The following TULP1 variants were observed in gnomAD, a reference collection of about 807,000 sequenced individuals.
The protein encoded by TULP1 is TUB like protein 1, also known as tubby-related protein 1.
TULP1 carries 50 observed loss-of-function variants against 67.1 expected under a neutral mutation model. The ratio of observed to expected loss-of-function variants is 0.75; its 90% CI spans 0.59 to 0.94. TULP1 has a LOEUF of 0.94. Among genes scored for constraint, TULP1 ranks in the 40% least tolerant of loss-of-function variants. TULP1 has a pLI of 0.00. For synonymous variants in TULP1, 297 were observed against 294.0 expected (o/e 1.01, Z -0.11); for missense variants, 746 against 734.1 (o/e 1.02, Z -0.19).
chr6:35,505,815 C>T lies in TULP1; in HGVS notation c.1038G>A (p.Lys346=), dbSNP rs1761068733. The T allele has an allele frequency of 2.5e-6, 4 of 1,614,176 alleles. No individual in the cohort carries two copies. In the African/African-American group the frequency reaches 4.0e-5, roughly 16 times the overall value. ...CGATGGAGATGAGGTAATTGGCTGT[C>T]TTGCTCCGTTTTCGTTTCCTGCCAG... is the stretch of plus-strand genomic sequence containing the variant. ...LLAGRKRKRS[K]TANYLISIDP... Residue 346 remains lysine, a synonymous_variant, in exon 11 of 15, where the codon AAG becomes AAA. Coordinates refer to ENST00000229771, the MANE Select transcript of TULP1 (RefSeq NM_003322.6).
At position 35,503,448 on chromosome 6, in the gene TULP1, T is replaced by G; in HGVS notation, c.1323+111A>C. 1.8e-6 allele frequency: 2 copies of G among 1,117,426 alleles called. No individual in the cohort carries two copies. The highest frequency in any genetic ancestry group is 2.6e-6 in the Non-Finnish European group (2 of 765,608). 69.2% of individuals were successfully genotyped at this position (1,117,426 alleles called of 1,614,324 possible). A position where few individuals can be genotyped will look rare whatever the true frequency, so the allele number is the denominator to read the frequency against. ...CCATTCCCTAGGTGGCCAGAATGAA[T>G]TTGTGTTGGAGGGTGATGGATGTGC... On this transcript the variant is annotated intron_variant, in intron 13 of 14. Transcript: ENST00000229771. This position sits in a 1 kb window ranked among gnomAD's most constrained non-coding sequence, Gnocchi z 4.0.
chr6:35,504,716 C>T lies in TULP1; in HGVS notation c.1113-868G>A, dbSNP rs144800883. Among the ~76,000 whole-genome samples the T allele has an allele frequency of 2.0e-3, 297 of 151,412 alleles. 1 individual carries two copies. In the Middle Eastern group the frequency reaches 0.02, roughly 10 times the overall value. On this transcript the variant is annotated intron_variant, in intron 11 of 14. Coordinates refer to ENST00000229771, the MANE Select transcript of TULP1 (RefSeq NM_003322.6). ...GCTGGGACTACAGGGCCTGCCAGCA[C>T]GCTGGGCTAATTTTTTTTTTTTTGT...
Position 35,503,852 on chromosome 6 carries a change from C to T in TULP1, c.1113-4G>A, listed in dbSNP as rs374822876. The T allele has an allele frequency of 1.1e-5, 17 of 1,603,668 alleles. No homozygotes were observed. The highest frequency in any genetic ancestry group is 1.4e-5 in the Non-Finnish European group (16 of 1,177,856). On this transcript the variant is annotated splice_region_variant and splice_polypyrimidine_tract_variant and intron_variant, in intron 11 of 14. Transcript: ENST00000229771. This position sits in a 1 kb window ranked among gnomAD's most constrained non-coding sequence, Gnocchi z 4.0. The stretch of plus-strand genomic sequence containing the variant: ...GCGGTTCCCCAGGAGGTTGGACCTG[C>T]AAGCAGGGTAGAGCTTGGGGTGGGG...
In TULP1 at chr6:35,511,820, C is replaced by CG. The variant is rs1332766408; in HGVS notation, c.191-15dup. On this transcript the variant is annotated splice_polypyrimidine_tract_variant and intron_variant, in intron 3 of 14. Transcript: ENST00000229771. ...CCGTCCGCCCAGCTGAGCCGAGATG[C>CG]GGGGTTCAGACAGGGTCCCATCCGC... The CG allele has an allele frequency of 2.0e-6, 3 of 1,537,240 alleles. No individual in the cohort carries two copies. Among genetic ancestry groups the CG allele is most frequent in the Non-Finnish European group, 2.6e-6 (3 of 1,140,938 alleles).
rs957006581 is a variant in TULP1, at chr6:35,512,175, C to T, written c.190+5G>A. ...GGGTCCACCCGGGCTCTGCACCCCG[C>T]CCACCTCCGGGCTTCCGGGGCTTGG... is the stretch of plus-strand genomic sequence containing the variant. On this transcript the variant is annotated splice_donor_5th_base_variant and intron_variant, in intron 3 of 14. Transcript: ENST00000229771. 5 of 1,349,120 alleles carry T rather than the reference C, an allele frequency of 3.7e-6. No individual in the cohort carries two copies. The African/African-American group carries it at 7.5e-5, about 20-fold the overall frequency. The allele number at this position is 1,349,120 out of a possible 1,614,324, so 83.6% of individuals were successfully genotyped here. A position where few individuals can be genotyped will look rare whatever the true frequency, so the allele number is the denominator to read the frequency against.
chr6:35,509,281 T>C lies in TULP1; in HGVS notation c.750A>G (p.Glu250=). ...GTPKGARKEE[E]EEEEAATVIK... ...TCACCGTAGCTGCCTCCTCCTCCTC[T>C]TCTTCCTCCTTCCTCGCGCCTTTGG... The change falls in exon 8 of 15, where the codon GAA becomes GAG. Residue 250 remains glutamate (E), a synonymous_variant. Coordinates refer to ENST00000229771, the MANE Select transcript of TULP1 (RefSeq NM_003322.6). The C allele has an allele frequency of 6.2e-7, 1 of 1,613,930 alleles. No homozygotes were observed. The highest frequency in any genetic ancestry group is 8.5e-7 in the Non-Finnish European group (1 of 1,179,866).
chr6:35,502,095 T>G (rs1760978466), intron 13 of TULP1, among the ~76,000 whole-genome samples: 1 of 152,210 alleles, frequency 6.6e-6, no homozygotes, highest in Non-Finnish European at 1.5e-5. Flanking sequence ...AGGTCTGCTT[T>G]GACAACCATA....
chr6:35,499,331 A>AT (rs1561811947), intron 14 of TULP1, among the ~76,000 whole-genome samples: 1 of 152,244 alleles, frequency 6.6e-6, no homozygotes, highest in Non-Finnish European at 1.5e-5. Flanking sequence ...TGAAGAGATT[A>AT]AGAGCATGGC....
intron 10 of TULP1, 45 bp from the exon 11 acceptor site, chr6:35,505,898 G>C (rs769892419): frequency 1.6e-5 from 26 of 1,614,072 alleles, no homozygotes; most frequent in Non-Finnish European, 2.2e-5. Flanking sequence ...AGAGAAGGTG[G>C]GAAGGGGTGG....
Position 35,511,746 on chromosome 6 carries a change from G to C in TULP1, c.251C>G (p.Pro84Arg), listed in dbSNP as rs1378475902. The C allele has an allele frequency of 6.3e-7, 1 of 1,585,348 alleles. No individual in the cohort carries two copies. Among genetic ancestry groups the C allele is most frequent in the South Asian group, 1.2e-5 (1 of 86,842 alleles). ...GAGGAACCTGGCGTAGACCGTCTGC[G>C]GCGCCCGGGCCTGGGCTGGGTCTGG... Reference protein sequence around the residue: ...PSPDPAQARAPQTVYARFLRD... With the variant: ...PSPDPAQARARQTVYARFLRD... Residue 84 changes from proline to arginine, a missense_variant, in exon 4 of 15, where the codon CCG becomes CGG. By Grantham distance (103) the Pro-to-Arg change is moderately radical. Transcript: ENST00000229771.
intron 8 of TULP1, among the ~76,000 whole-genome samples, chr6:35,508,235 A>G (rs1472102300): frequency 6.6e-6 from 1 of 152,238 alleles, no homozygotes; most frequent in African/African-American, 2.4e-5. Context: ...AGGTTGTTCC[A>G]GAAGAAACCT....
In TULP1 at chr6:35,511,755, G is replaced by C; in HGVS notation, c.242C>G (p.Ala81Gly). ...REEPSPDPAQ[A>G]RAPQTVYARF... ...GGCGTAGACCGTCTGCGGCGCCCGG[G>C]CCTGGGCTGGGTCTGGGGAAGGCTC... is the stretch of plus-strand genomic sequence containing the variant. The change falls in exon 4 of 15, where the codon GCC becomes GGC. Residue 81 changes from alanine to glycine, a missense_variant. Ala to Gly is a moderately conservative substitution (Grantham distance 60). Around this residue, in one of 3 missense-constraint regions of TULP1, gnomAD observed 359 missense variants for 341.9 expected, o/e 1.05. Transcript: ENST00000229771. The C allele has an allele frequency of 6.3e-7, 1 of 1,583,008 alleles. No homozygotes were observed. The highest frequency in any genetic ancestry group is 8.6e-7 in the Non-Finnish European group (1 of 1,165,202).
chr6:35,511,651 C>T lies in TULP1; in HGVS notation c.346G>A (p.Asp116Asn). 6.3e-7 allele frequency: 1 copy of T among 1,593,992 alleles called. No individual in the cohort carries two copies. Among genetic ancestry groups the T allele is most frequent in the East Asian group, 2.3e-5 (1 of 43,982 alleles). The change falls in exon 4 of 15, where the codon GAC becomes AAC. Residue 116 changes from aspartate (D) to asparagine (N), a missense_variant. By Grantham distance (23) the Asp-to-Asn change is conservative. Coordinates refer to ENST00000229771, the MANE Select transcript of TULP1 (RefSeq NM_003322.6). Reference protein sequence around the residue: ...FLVARAPDAEDEEEEEEEDEE... With the variant: ...FLVARAPDAENEEEEEEEDEE... ...CGTCCCTGGGGCCCTCTCTCACCGT[C>T]CTCCGCGTCTGGGGCACGGGCTACC...
chr6:35,509,360 G>A lies in TULP1; in HGVS notation c.719-48C>T, dbSNP rs1369300773. ...GGCTGTGAACTCCTCACCCTGGTTT[G>A]CAAAGTGCTTCCAACACCCATGTCT... On this transcript the variant is annotated intron_variant, in intron 7 of 14. Coordinates refer to ENST00000229771, the MANE Select transcript of TULP1 (RefSeq NM_003322.6). 3.8e-6 allele frequency: 6 copies of A among 1,573,948 alleles called. No individual in the cohort carries two copies. The East Asian group carries it at 1.1e-4, about 29-fold the overall frequency.
At chr6:35,499,507 G>A (rs1476538238) in intron 14 of TULP1, among the ~76,000 whole-genome samples, 1 of 152,204 alleles carries the variant, frequency 6.6e-6, no homozygotes, top group African/African-American at 2.4e-5. Flanking sequence ...AAAATCCTGA[G>A]AACAGTGCCT....
chr6:35,509,168 C>G, intron 8 of TULP1, 41 bp downstream of exon 8: 1 of 1,580,102 alleles, frequency 6.3e-7, no homozygotes, highest in South Asian at 1.1e-5. Flanking sequence ...TGCCTCTGCT[C>G]CCTGAAGGGA....
In TULP1 at chr6:35,500,018, G is replaced by A. The variant is rs772035344; in HGVS notation, c.1458C>T (p.Ala486=). 1.6e-5 allele frequency: 26 copies of A among 1,614,184 alleles called. No individual in the cohort carries two copies. The highest frequency in any genetic ancestry group is 2.0e-5 in the Non-Finnish European group (24 of 1,180,038). Residue 486 remains alanine, a synonymous_variant, in exon 14 of 15, where the codon GCC becomes GCT. Transcript: ENST00000229771. Reference sequence around the variant, plus strand: ...GGACAATCTGGAAGTTCTTGACTGAGGCCTGGGTGACCCGGCCTTGGAAGT... The same window carrying A: ...GGACAATCTGGAAGTTCTTGACTGAAGCCTGGGTGACCCGGCCTTGGAAGT... The part of the protein sequence containing the change: ...TLNFQGRVTQ[A]SVKNFQIVHA...
chr6:35,511,532 TG>T, intron 4 of TULP1, 115 bp downstream of exon 4: 1 of 1,479,186 alleles, frequency 6.8e-7, no homozygotes, highest in Non-Finnish European at 9.2e-7. Context: ...GCCAGAAAAG[TG>T]GGGGCTATTT....
chr6:35,503,950 G>A lies in TULP1; in HGVS notation c.1113-102C>T. On this transcript the variant is annotated intron_variant, in intron 11 of 14. Coordinates refer to ENST00000229771, the MANE Select transcript of TULP1 (RefSeq NM_003322.6). This position sits in a 1 kb window ranked among gnomAD's most constrained non-coding sequence, Gnocchi z 4.0. The stretch of plus-strand genomic sequence containing the variant: ...GCAGTTTAGAGAGCTTCCTACAAGG[G>A]TGGGGGTGAGTTAGGACTGAGCAAT... 1.2e-6 allele frequency: 1 copy of A among 862,750 alleles called. No individual in the cohort carries two copies. The highest frequency in any genetic ancestry group is 1.9e-6 in the Non-Finnish European group (1 of 539,720). The allele number at this position is 862,750 out of a possible 1,614,324, so 53.4% of individuals were successfully genotyped here.
Sources: gnomAD v4.1 joint callset for allele counts (sites outside exome capture counted in the v4.1 genomes callset) on GRCh38, gnomAD v4.1.1 for gene constraint, gnomAD v4.1.1 regional missense constraint, Gnocchi (gnomAD v3.1) non-coding constraint, MANE v1.5 for transcripts, NCBI Gene and HGNC (gene_info 2026-07-23, HGNC 2026-07-21) for gene names.